Variants in H6PD observed in about 807,000 individuals in gnomAD.
The protein encoded by H6PD is GDH/6PGL endoplasmic bifunctional protein.
H6PD carries 48 observed loss-of-function variants against 61.2 expected under a neutral mutation model. The observed-to-expected ratio is 0.78, with a 90% CI of 0.62 to 1.00. The LOEUF (loss-of-function observed/expected upper bound fraction) is 1.00. Among genes scored for constraint, H6PD ranks in the 50% least tolerant of loss-of-function variants. The pLI, the probability that H6PD is intolerant of heterozygous loss-of-function variation, is 0.00. For synonymous variants in H6PD, 480 were observed against 457.9 expected (o/e 1.05, Z -0.62); for missense variants, 1,093 against 1,065.0 (o/e 1.03, Z -0.37).
intron 1 of H6PD, among the ~76,000 whole-genome samples, chr1:9,241,710 A>T (rs1641003158): frequency 6.6e-6 from 1 of 152,164 alleles, no homozygotes; most frequent in African/African-American, 2.4e-5. Flanking sequence ...TAATTAGCTG[A>T]CTTAATTAGA....
Position 9,264,395 on chromosome 1 carries a change from G to A in H6PD, c.1902G>A (p.Gln634=). The change falls in exon 5 of 5, where the codon CAG becomes CAA. Residue 634 remains glutamine, a synonymous_variant. Coordinates refer to ENST00000377403, the MANE Select transcript of H6PD (RefSeq NM_004285.4). ...TCTCAGACCCGGAGTCCAACTTCCA[G>A]GGCCTGCAGGCCCACCTGCTGCAGC... The part of the protein sequence containing the change: ...VPLSDPESNF[Q]GLQAHLLQHV... The A allele has an allele frequency of 6.2e-7, 1 of 1,613,050 alleles. No individual in the cohort carries two copies. The highest frequency in any genetic ancestry group is 8.5e-7 in the Non-Finnish European group (1 of 1,179,958).
In H6PD at chr1:9,269,652, T is replaced by G. The variant is rs796365475; in HGVS notation, c.*4783T>G. 2.0e-5 allele frequency: 3 copies of G among 152,414 alleles called. No individual in the cohort carries two copies. The highest frequency in any genetic ancestry group is 7.2e-5 in the African/African-American group (3 of 41,576). 9.4% of individuals were successfully genotyped at this position (152,414 alleles called of 1,614,324 possible). A position where few individuals can be genotyped will look rare whatever the true frequency, so the allele number is the denominator to read the frequency against. On this transcript the variant is annotated 3_prime_UTR_variant, in exon 5 of 5. Transcript: ENST00000377403. The surrounding 1 kb of genome is among the most constrained non-coding windows in gnomAD (Gnocchi z 4.3). ...AGGGGGTGAGTTGGGCACTCCCTGT[T>G]GTTGGTTTTCCTTTTGCAGCACACT...
chr1:9,264,484 C>T lies in H6PD; in HGVS notation c.1991C>T (p.Ala664Val). 1 of 1,613,178 alleles carries T rather than the reference C, an allele frequency of 6.2e-7. No individual in the cohort carries two copies. Among genetic ancestry groups the T allele is most frequent in the Non-Finnish European group, 8.5e-7 (1 of 1,179,904 alleles). ...GTGCACCTGCAGCAGCGGCTCTGCG[C>T]CGAGGAGGACCAGGGCGCCCAGATC... ...MPVHLQQRLC[A>V]EEDQGAQIYA... Residue 664 changes from alanine to valine, a missense_variant, in exon 5 of 5, where the codon GCC becomes GTC. Physicochemically the swap from Ala to Val is moderately conservative, Grantham distance 64. Transcript: ENST00000377403.
intron 3 of H6PD, among the ~76,000 whole-genome samples, chr1:9,252,861 G>A (rs1641410266): frequency 1.3e-5 from 2 of 152,144 alleles, no homozygotes; most frequent in Non-Finnish European, 2.9e-5. Context: ...AGCTCTGGAT[G>A]TGCACAGGTG....
rs575358029 is a variant in H6PD at position 9,259,313 on chromosome 1, G to A, written c.746-2746G>A. The stretch of plus-strand genomic sequence containing the variant: ...ACACCGGTGTTGTTATGTTGCTGTT[G>A]TTACACCAGTGTTGTTATGTTGTTG... On this transcript the variant is annotated intron_variant, in intron 3 of 4. Coordinates refer to ENST00000377403, the MANE Select transcript of H6PD (RefSeq NM_004285.4). Among the ~76,000 whole-genome samples, 4 of 152,346 alleles carry A rather than the reference G, an allele frequency of 2.6e-5. No individual in the cohort carries two copies. In the East Asian group the frequency reaches 7.7e-4, roughly 29 times the overall value.
rs1557751770 is a variant in H6PD at position 9,264,032 on chromosome 1, T to C, written c.1539T>C (p.Phe513=). Residue 513 remains phenylalanine, a synonymous_variant, in exon 5 of 5, where the codon TTT becomes TTC. Transcript: ENST00000377403. ...GGAENGRLLD[F]EFSSGRLFFS... is the part of the protein sequence containing the mutation. ...CTGAGAATGGCCGTCTGTTGGACTT[T>C]GAGTTCAGTAGCGGCCGGTTGTTCT... The C allele has an allele frequency of 1.2e-6, 2 of 1,614,194 alleles. No homozygotes were observed. The highest frequency in any genetic ancestry group is 2.2e-5 in the South Asian group (2 of 91,088).
In H6PD at chr1:9,262,096, C is replaced by T. The variant is rs149778702; in HGVS notation, c.783C>T (p.Arg261=). Residue 261 remains arginine (R), a synonymous_variant, in exon 4 of 5, where the codon CGC becomes CGT. Coordinates refer to ENST00000377403, the MANE Select transcript of H6PD (RefSeq NM_004285.4). ...TSFYEEYGVI[R]DVLQNHLTEV... is the part of the protein sequence containing the mutation. Reference sequence around the variant, plus strand: ...TCTATGAGGAGTACGGTGTCATTCGCGACGTCCTCCAGAACCATCTGACGG... The same window carrying T: ...TCTATGAGGAGTACGGTGTCATTCGTGACGTCCTCCAGAACCATCTGACGG... 0.015 allele frequency: 23,792 copies of T among 1,614,160 alleles called. 214 individuals carry two copies. Among genetic ancestry groups the T allele is most frequent in the Non-Finnish European group, 0.017 (20,261 of 1,179,980 alleles).
intron 3 of H6PD, among the ~76,000 whole-genome samples, chr1:9,261,606 A>G (rs1638293400): frequency 6.6e-6 from 1 of 152,202 alleles, no homozygotes; most frequent in Non-Finnish European, 1.5e-5. Flanking sequence ...ATGCAGGAAC[A>G]AAAGTCAAGT....
intron 1 of H6PD, among the ~76,000 whole-genome samples, chr1:9,236,092 G>A (rs540340574): frequency 1.3e-5 from 2 of 151,780 alleles, no homozygotes; most frequent in Admixed American, 1.3e-4. Flanking sequence ...TGGTTCAAGC[G>A]ATTCTTCCAC....
chr1:9,262,356 C>T (rs1638349302), intron 4 of H6PD, 28 bp downstream of exon 4: 1 of 1,579,510 alleles, frequency 6.3e-7, no homozygotes. Flanking sequence ...GCATGGGGCA[C>T]TGGGCTGCCC....
intron 1 of H6PD, among the ~76,000 whole-genome samples, chr1:9,240,751 A>G (rs1487205709): frequency 6.6e-6 from 1 of 152,196 alleles, no homozygotes; most frequent in Non-Finnish European, 1.5e-5. Flanking sequence ...GGCTAACTTC[A>G]AGTATGTAAT....
rs1287167591 is a variant in H6PD, at chr1:9,265,154, A to G, written c.*285A>G. Reference sequence around the variant, plus strand: ...TCTTAAGAAAAGACCTCCAGCAGTTACACATTCATATCAACCAGCACAACA... The same window carrying G: ...TCTTAAGAAAAGACCTCCAGCAGTTGCACATTCATATCAACCAGCACAACA... On this transcript the variant is annotated 3_prime_UTR_variant, in exon 5 of 5. Transcript: ENST00000377403. 2 of 530,132 alleles carry G rather than the reference A, an allele frequency of 3.8e-6. No homozygotes were observed. Among genetic ancestry groups the G allele is most frequent in the Non-Finnish European group, 6.9e-6 (2 of 291,952 alleles). 32.8% of individuals were successfully genotyped at this position (530,132 alleles called of 1,614,324 possible). A position where few individuals can be genotyped will look rare whatever the true frequency, so the allele number is the denominator to read the frequency against.
chr1:9,251,587 G>T (rs1204596426), intron 3 of H6PD, among the ~76,000 whole-genome samples: 2 of 152,184 alleles, frequency 1.3e-5, no homozygotes, highest in African/African-American at 2.4e-5. Flanking sequence ...TGACCGTTCA[G>T]TGCCTCTCAC....
At chr1:9,250,198 C>T (rs944199293) in intron 3 of H6PD, among the ~76,000 whole-genome samples, 20 of 152,178 alleles carry the variant, frequency 1.3e-4, no homozygotes, top group Non-Finnish European at 4.4e-5. Context: ...CGGGTGAGGG[C>T]GGGAAACAGG....
intron 3 of H6PD, among the ~76,000 whole-genome samples, chr1:9,247,362 G>T (rs1641213892): frequency 1.3e-5 from 2 of 152,184 alleles, no homozygotes; most frequent in Non-Finnish European, 2.9e-5. Context: ...TCTCCCTGAG[G>T]TCCCCCAAGT....
At chr1:9,263,409 G>GCAGTGAGT (rs2100396714) in intron 4 of H6PD, 100 bp from the exon 5 acceptor site, 1 of 1,150,386 alleles carries the variant, frequency 8.7e-7, no homozygotes, top group Non-Finnish European at 1.3e-6. Context: ...CTTCCCTGAG[G>GCAGTGAGT]CAGGGGGACG....
intron 1 of H6PD, among the ~76,000 whole-genome samples, chr1:9,239,538 A>G (rs1163162614): frequency 6.6e-6 from 1 of 152,254 alleles, no homozygotes; most frequent in East Asian, 1.9e-4. Flanking sequence ...ACAAAAAACA[A>G]CAAAAACAAA....
In H6PD at chr1:9,247,059, A is replaced by G. The variant is rs1641201540; in HGVS notation, c.721A>G (p.Met241Val). Reference protein sequence around the residue: ...RHHVERVEIIMKETVDAEGRT... With the variant: ...RHHVERVEIIVKETVDAEGRT... ...CCATGTGGAGCGGGTGGAGATCATC[A>G]TGAAAGAGACCGTGGATGCTGAAGG... The change falls in exon 3 of 5, where the codon ATG becomes GTG. Residue 241 changes from methionine to valine, a missense_variant. Transcript: ENST00000377403. 1 of 1,612,886 alleles carries G rather than the reference A, an allele frequency of 6.2e-7. No individual in the cohort carries two copies. Among genetic ancestry groups the G allele is most frequent in the African/African-American group, 1.3e-5 (1 of 75,016 alleles).
rs146460271 is a variant in H6PD at position 9,264,308 on chromosome 1, G to A, written c.1815G>A (p.Ala605=). 3.5e-5 allele frequency: 56 copies of A among 1,611,320 alleles called. No homozygotes were observed. Among genetic ancestry groups the A allele is most frequent in the South Asian group, 4.4e-5 (4 of 91,068 alleles). ...CCCTGTTCCAGCAGCTGGCCACGGC[G>A]CACTATGGCTTCCCCTGGGCCCACA... ...PVALFQQLAT[A]HYGFPWAHTH... The change falls in exon 5 of 5, where the codon GCG becomes GCA. Residue 605 remains alanine (A), a synonymous_variant. Coordinates refer to ENST00000377403, the MANE Select transcript of H6PD (RefSeq NM_004285.4).
Sources: allele counts gnomAD v4.1 joint callset (sites outside exome capture counted in the v4.1 genomes callset), GRCh38; gene constraint gnomAD v4.1.1; non-coding constraint Gnocchi (gnomAD v3.1); transcripts MANE v1.5; gene names NCBI Gene and HGNC (gene_info 2026-07-23, HGNC 2026-07-21).